Variants in SIRPD observed in about 807,000 individuals in gnomAD.
SIRPD encodes the protein signal-regulatory protein delta.
A neutral mutation model predicts 18.0 loss-of-function variants in SIRPD; 21 were observed. The observed-to-expected ratio is 1.17, with a 90% CI of 0.83 to 1.68. The LOEUF (loss-of-function observed/expected upper bound fraction) is 1.68, where lower values mean the gene tolerates loss of function less well. SIRPD is among the 40% of genes most tolerant of loss of function. The pLI is 0.00. For synonymous variants in SIRPD, 106 were observed against 92.9 expected (o/e 1.14, Z -0.81); for missense variants, 295 against 238.4 (o/e 1.24, Z -1.56).
chr20:1,542,505 T>C (rs757241502), intron 2 of SIRPD, among the ~76,000 whole-genome samples: 7 of 152,138 alleles, frequency 4.6e-5, no homozygotes, highest in Non-Finnish European at 1.0e-4. Flanking sequence ...TGAGACTTTG[T>C]CGAATTTGCT....
chr20:1,537,422 A>T, intron 2 of SIRPD, 112 bp from the exon 3 acceptor site: 4 of 1,248,704 alleles, frequency 3.2e-6, no homozygotes, highest in Non-Finnish European at 4.5e-6. Context: ...TGAAATAGGA[A>T]TCAGACACAA....
Position 1,534,376 on chromosome 20 carries a change from G to A in SIRPD, c.*49C>T. 6.2e-7 allele frequency: 1 copy of A among 1,609,940 alleles called. No homozygotes were observed. The highest frequency in any genetic ancestry group is 8.5e-7 in the Non-Finnish European group (1 of 1,178,902). On this transcript the variant is annotated 3_prime_UTR_variant, in exon 4 of 4. Coordinates refer to ENST00000381623, the MANE Select transcript of SIRPD (RefSeq NM_178460.3). ...AGTAGCTGTCTCCAGGGAGTCAGAA[G>A]AGTATGGGGGCTTTTGTTATTTACT...
At chr20:1,539,553 TGA>T (rs1419092834) in intron 2 of SIRPD, among the ~76,000 whole-genome samples, 1 of 152,252 alleles carries the variant, frequency 6.6e-6, no homozygotes, top group African/African-American at 2.4e-5. Flanking sequence ...TCCTAGTTAC[TGA>T]GAGAACTGCT....
intron 2 of SIRPD, among the ~76,000 whole-genome samples, chr20:1,542,407 A>G (rs2090976134): frequency 6.6e-6 from 1 of 152,098 alleles, no homozygotes; most frequent in South Asian, 2.1e-4. Flanking sequence ...GCAATTGTGA[A>G]TGGGAGTTCA....
At chr20:1,547,172 G>A (rs1010348530) in intron 2 of SIRPD, among the ~76,000 whole-genome samples, 2 of 152,116 alleles carry the variant, frequency 1.3e-5, no homozygotes, top group Non-Finnish European at 2.9e-5. Flanking sequence ...ACCATTTTGA[G>A]TTAATTTTTG....
rs182322596 is a variant in SIRPD at position 1,551,691 on chromosome 20, C to A, written c.421G>T (p.Glu141Ter). Reference sequence around the variant, plus strand: ...TATGGGGTATAGGAGACATACTCACCAGTAACAAACACCTGAGTGCCCCGA... The same window carrying A: ...TATGGGGTATAGGAGACATACTCACAAGTAACAAACACCTGAGTGCCCCGA... ...SGRGTQVFVT[E>*]QNPRPPKNRP... The change falls in exon 2 of 4, where the codon GAG becomes TAG. Residue 141 changes from glutamate to a stop codon, truncating the protein, a stop_gained and splice_region_variant. Coordinates refer to ENST00000381623, the MANE Select transcript of SIRPD (RefSeq NM_178460.3). LOFTEE classifies it high-confidence loss of function. 338 of 1,609,482 alleles carry A rather than the reference C, an allele frequency of 2.1e-4. 6 individuals carry two copies. The East Asian group carries it at 5.7e-3, about 27-fold the overall frequency.
intron 1 of SIRPD, 82 bp downstream of exon 1, chr20:1,557,499 T>C (rs2091046700): frequency 1.6e-6 from 2 of 1,225,590 alleles, no homozygotes. Context: ...CAAAAGAAAT[T>C]CTATGGGAAC....
intron 1 of SIRPD, among the ~76,000 whole-genome samples, chr20:1,553,597 C>T (rs2091028367): frequency 6.6e-6 from 1 of 152,114 alleles, no homozygotes; most frequent in African/African-American, 2.4e-5. Flanking sequence ...AGTCAGTCAG[C>T]CTTCTAGGAC....
At chr20:1,534,478 T>G (rs1454835131) in intron 3 of SIRPD, 37 bp from the exon 4 acceptor site, 5 of 1,570,694 alleles carry the variant, frequency 3.2e-6, no homozygotes, top group Non-Finnish European at 4.4e-6. Context: ...ATAAAACATT[T>G]CTCCCTCCTG....
chr20:1,537,125 A>C, intron 3 of SIRPD, 30 bp downstream of exon 3: 1 of 1,608,200 alleles, frequency 6.2e-7, no homozygotes, highest in South Asian at 1.1e-5. Context: ...GCATCCCTGC[A>C]TCATGGTACC....
chr20:1,556,292 C>T (rs935975014), intron 1 of SIRPD, among the ~76,000 whole-genome samples: 3 of 152,166 alleles, frequency 2.0e-5, no homozygotes, highest in African/African-American at 7.2e-5. Flanking sequence ...GTGAGTTTTA[C>T]TAGCTTTAAG....
chr20:1,554,941 G>A (rs1211007115), intron 1 of SIRPD, among the ~76,000 whole-genome samples: 1 of 152,096 alleles, frequency 6.6e-6, no homozygotes. Context: ...AATTGCTCTT[G>A]TGTATTCTTG....
At chr20:1,536,272 G>A (rs986697202) in intron 3 of SIRPD, among the ~76,000 whole-genome samples, 1 of 152,192 alleles carries the variant, frequency 6.6e-6, no homozygotes, top group African/African-American at 2.4e-5. Context: ...CACCACAACT[G>A]TATTGGAAAG....
intron 2 of SIRPD, among the ~76,000 whole-genome samples, chr20:1,546,203 C>T (rs1344830063): frequency 6.6e-6 from 1 of 152,220 alleles, no homozygotes; most frequent in Non-Finnish European, 1.5e-5. Context: ...TTTAAGTCTG[C>T]TGAAGCTGTG....
In SIRPD at chr20:1,534,303, G is replaced by T; in HGVS notation, c.*122C>A. 7.5e-7 allele frequency: 1 copy of T among 1,334,092 alleles called. No individual in the cohort carries two copies. The highest frequency in any genetic ancestry group is 1.1e-6 in the Non-Finnish European group (1 of 950,050). The allele number at this position is 1,334,092 out of a possible 1,614,324, so 82.6% of individuals were successfully genotyped here. On this transcript the variant is annotated 3_prime_UTR_variant, in exon 4 of 4. Transcript: ENST00000381623. ...TTGTACGATCAAGCTGGCATTTTAT[G>T]TCAGTGGAAGAAAGCTCTCTTGAAG... is the stretch of plus-strand genomic sequence containing the variant.
intron 2 of SIRPD, among the ~76,000 whole-genome samples, chr20:1,546,483 A>G (rs898229856): frequency 6.6e-6 from 1 of 152,194 alleles, no homozygotes; most frequent in Admixed American, 6.5e-5. Context: ...TTGCTTTTCC[A>G]TTCATCAGTT....
chr20:1,557,079 C>A (rs577775662), intron 1 of SIRPD, among the ~76,000 whole-genome samples: 1 of 151,920 alleles, frequency 6.6e-6, no homozygotes, highest in Non-Finnish European at 1.5e-5. Context: ...ATGGTGAAAC[C>A]CCATCTCTAC....
rs1309570804 is a variant in SIRPD at position 1,552,029 on chromosome 20, T to C, written c.83A>G (p.His28Arg). ...CTCCGTTTGTTGCACATGGAACACATGTGTGACTCCTGGAAAAAAGCTGAA... is the reference window on the plus strand; with the variant it reads ...CTCCGTTTGTTGCACATGGAACACACGTGTGACTCCTGGAAAAAAGCTGAA... Reference protein sequence around the residue: ...YLLLELAGVTHVFHVQQTEMS... With the variant: ...YLLLELAGVTRVFHVQQTEMS... Residue 28 changes from histidine (H) to arginine (R), a missense_variant, in exon 2 of 4, where the codon CAT becomes CGT. Coordinates refer to ENST00000381623, the MANE Select transcript of SIRPD (RefSeq NM_178460.3). 1.2e-6 allele frequency: 2 copies of C among 1,611,012 alleles called. No individual in the cohort carries two copies. Among genetic ancestry groups the C allele is most frequent in the South Asian group, 1.1e-5 (1 of 90,840 alleles).
At position 1,537,199 on chromosome 20, in the gene SIRPD, T is replaced by C; in HGVS notation, c.533A>G (p.Tyr178Cys). ...SALPERNSTN[Y>C]FVQPCCCLRL... The stretch of plus-strand genomic sequence containing the variant: ...GAGGCAGCAGCAGGGTTGGACGAAA[T>C]AGTTTGTGCTGTTTCTCTCAGGCAG... Residue 178 changes from tyrosine (Y) to cysteine (C), a missense_variant, in exon 3 of 4, where the codon TAT becomes TGT. By Grantham distance (194) the Tyr-to-Cys change is radical. Transcript: ENST00000381623. 6.2e-7 allele frequency: 1 copy of C among 1,614,098 alleles called. No individual in the cohort carries two copies. Among genetic ancestry groups the C allele is most frequent in the African/African-American group, 1.3e-5 (1 of 75,032 alleles).
Sources: gnomAD v4.1 joint callset for allele counts (sites outside exome capture counted in the v4.1 genomes callset) on GRCh38, gnomAD v4.1.1 for gene constraint, MANE v1.5 for transcripts, NCBI Gene and HGNC (gene_info 2026-07-23, HGNC 2026-07-21) for gene names.